Variants in FBXO22 observed in about 807,000 individuals in gnomAD.
FBXO22 encodes F-box protein 22.
In FBXO22, 13 loss-of-function variants were observed where a neutral mutation model predicts 37.2. The ratio of observed to expected loss-of-function variants is 0.35; its 90% confidence interval spans 0.23 to 0.56. FBXO22 has a LOEUF of 0.56. FBXO22 is among the 20% of genes least tolerant of loss of function. The pLI is 0.87. For synonymous variants in FBXO22, 189 were observed against 189.1 expected (o/e 1.00, Z 0.00); for missense variants, 446 against 509.9 (o/e 0.87, Z 1.21).
intron 5 of FBXO22, among the ~76,000 whole-genome samples, chr15:75,918,721 G>A (rs1376965364): frequency 6.6e-6 from 1 of 152,198 alleles, no homozygotes; most frequent in Non-Finnish European, 1.5e-5. Flanking sequence ...CCTGGAGGAT[G>A]TTAAGTGAAA....
At chr15:75,924,824 G>A (rs986403852) in intron 5 of FBXO22, among the ~76,000 whole-genome samples, 7 of 152,196 alleles carry the variant, frequency 4.6e-5, no homozygotes, top group African/African-American at 1.7e-4. Flanking sequence ...AATGCTTGAG[G>A]TGGTTAGTTA....
intron 2 of FBXO22, among the ~76,000 whole-genome samples, chr15:75,910,729 T>C (rs1900033983): frequency 6.6e-6 from 1 of 152,252 alleles, no homozygotes; most frequent in Non-Finnish European, 1.5e-5. Context: ...TTCACTCTGA[T>C]GATAGTTTCT....
At chr15:75,917,508 A>G in intron 5 of FBXO22, 114 bp downstream of exon 5, 1 of 703,006 alleles carries the variant, frequency 1.4e-6, no homozygotes, top group African/African-American at 1.8e-5. Context: ...TGAATTAAGT[A>G]CACCTGTCAC....
intron 5 of FBXO22, among the ~76,000 whole-genome samples, chr15:75,918,425 AG>A (rs1469735283): frequency 1.3e-5 from 2 of 152,124 alleles, no homozygotes; most frequent in African/African-American, 4.8e-5. Context: ...ATAATGTGGA[AG>A]AGGGTGGTCA....
At chr15:75,918,650 A>G (rs1468085441) in intron 5 of FBXO22, among the ~76,000 whole-genome samples, 3 of 152,252 alleles carry the variant, frequency 2.0e-5, no homozygotes, top group Non-Finnish European at 4.4e-5. Flanking sequence ...TGGTATACAT[A>G]CATAATGAAA....
At chr15:75,920,592 C>T (rs951078957) in intron 5 of FBXO22, among the ~76,000 whole-genome samples, 3 of 151,926 alleles carry the variant, frequency 2.0e-5, no homozygotes, top group South Asian at 2.1e-4. Context: ...GAAGCTGAGG[C>T]GGGAGGATCG....
chr15:75,930,235 A>G, intron 6 of FBXO22, 186 bp downstream of exon 6: 1 of 1,434,272 alleles, frequency 7.0e-7, no homozygotes, highest in East Asian at 2.5e-5. Context: ...TTGAATAATT[A>G]CATTTTTATA....
In FBXO22 at chr15:75,939,378, A is replaced by T. The variant is rs1054481017; in HGVS notation, c.*6276A>T. On this transcript the variant is annotated 3_prime_UTR_variant, in exon 7 of 7. Transcript: ENST00000308275. ...TACTGCTGAACTATGAAAAAAATTT[A>T]AAAATCTCAATAGAACTATAACCAG... 3 of 152,172 alleles carry T rather than the reference A, an allele frequency of 2.0e-5. No individual in the cohort carries two copies. The highest frequency in any genetic ancestry group is 7.2e-5 in the African/African-American group (3 of 41,448). 9.4% of individuals were successfully genotyped at this position (152,172 alleles called of 1,614,324 possible). A position where few individuals can be genotyped will look rare whatever the true frequency, so the allele number is the denominator to read the frequency against.
Position 75,914,094 on chromosome 15 carries a change from T to C in FBXO22, c.368-16T>C. ...AAATGGATGATATTTATCATTTTGCTACTGTATTTTTACAGCAAGGAAAAG... is the reference window on the plus strand; with the variant it reads ...AAATGGATGATATTTATCATTTTGCCACTGTATTTTTACAGCAAGGAAAAG... On this transcript the variant is annotated splice_polypyrimidine_tract_variant and intron_variant, in intron 3 of 6. Transcript: ENST00000308275. 6.4e-7 allele frequency: 1 copy of C among 1,569,056 alleles called. No individual in the cohort carries two copies. The highest frequency in any genetic ancestry group is 8.7e-7 in the Non-Finnish European group (1 of 1,146,694).
rs1900212749 is a variant in FBXO22, at chr15:75,917,301, T to C, written c.535T>C (p.Phe179Leu). The C allele has an allele frequency of 3.7e-6, 6 of 1,611,624 alleles. No homozygotes were observed. Among genetic ancestry groups the C allele is most frequent in the Middle Eastern group, 1.7e-4 (1 of 6,056 alleles). ...TGGAGAATCTGGTTTTGCTTTATTA[T>C]TCCCTCAAATTGAAGGAATAAAAAT... The part of the protein sequence containing the change: ...EIGESGFALL[F>L]PQIEGIKIQP... The change falls in exon 5 of 7, where the codon TTC becomes CTC. Residue 179 changes from phenylalanine (F) to leucine (L), a missense_variant. Physicochemically the swap from Phe to Leu is conservative, Grantham distance 22. Transcript: ENST00000308275.
rs961055366 is a variant in FBXO22, at chr15:75,904,365, C to T, written c.141-126C>T. 12 of 1,411,154 alleles carry T rather than the reference C, an allele frequency of 8.5e-6. No homozygotes were observed. In the African/African-American group the frequency reaches 8.6e-5, roughly 10 times the overall value. 87.4% of individuals were successfully genotyped at this position (1,411,154 alleles called of 1,614,324 possible). On this transcript the variant is annotated intron_variant, in intron 1 of 6. Coordinates refer to ENST00000308275, the MANE Select transcript of FBXO22 (RefSeq NM_147188.3). ...AACTAGCGCCCTGACTGACACCTAC[C>T]TACCCCGGGGACTTTGGATCCCGCA...
At chr15:75,918,078 A>T (rs899237858) in intron 5 of FBXO22, among the ~76,000 whole-genome samples, 6 of 152,240 alleles carry the variant, frequency 3.9e-5, no homozygotes, top group Non-Finnish European at 8.8e-5. Context: ...CTGCAGATGG[A>T]CTGATTGAAT....
rs2030204326 is a variant in FBXO22 at position 75,934,746 on chromosome 15, T to C, written c.*1644T>C. 6.6e-6 allele frequency: 1 copy of C among 152,256 alleles called. No individual in the cohort carries two copies. The highest frequency in any genetic ancestry group is 6.5e-5 in the Admixed American group (1 of 15,288). 9.4% of individuals were successfully genotyped at this position (152,256 alleles called of 1,614,324 possible). ...TCAAAATACCTCAAAATTTTAGTCCTTGAATGTGCTCATATAGCCCATAAG... is the reference window on the plus strand; with the variant it reads ...TCAAAATACCTCAAAATTTTAGTCCCTGAATGTGCTCATATAGCCCATAAG... On this transcript the variant is annotated 3_prime_UTR_variant, in exon 7 of 7. Coordinates refer to ENST00000308275, the MANE Select transcript of FBXO22 (RefSeq NM_147188.3).
Position 75,918,021 on chromosome 15 carries a change from A to G in FBXO22, c.628+627A>G, listed in dbSNP as rs78449597. On this transcript the variant is annotated intron_variant, in intron 5 of 6. Coordinates refer to ENST00000308275, the MANE Select transcript of FBXO22 (RefSeq NM_147188.3). ...AAAGCTTAACTTAATATAGTAAACA[A>G]CAAACGAATTACTCAAGGAAAGCAG... Among the ~76,000 whole-genome samples, 888 of 152,316 alleles carry G rather than the reference A, an allele frequency of 5.8e-3. 10 individuals are homozygous for G. The highest frequency in any genetic ancestry group is 0.02 in the African/African-American group (843 of 41,568).
At chr15:75,906,697 C>T (rs1376230613) in intron 2 of FBXO22, among the ~76,000 whole-genome samples, 1 of 152,152 alleles carries the variant, frequency 6.6e-6, no homozygotes, top group Non-Finnish European at 1.5e-5. Context: ...AGGGAGCTGG[C>T]CAGTATCCAA....
At position 75,904,540 on chromosome 15, in the gene FBXO22, C is replaced by G. The variant is rs1179503728; in HGVS notation, c.190C>G (p.Arg64Gly). Reference sequence around the variant, plus strand: ...TGTGCGCAGAGTATTGCGGACCCATCGGAGCGTAACCTGGATCTCCGCAGG... The same window carrying G: ...TGTGCGCAGAGTATTGCGGACCCATGGGAGCGTAACCTGGATCTCCGCAGG... The part of the protein sequence containing the change: ...ECVRRVLRTH[R>G]SVTWISAGLA... The change falls in exon 2 of 7, where the codon CGG (arginine) becomes GGG (glycine). Residue 64 changes from arginine (R) to glycine (G), a missense_variant. Transcript: ENST00000308275. 4.3e-6 allele frequency: 7 copies of G among 1,613,750 alleles called. No individual in the cohort carries two copies. The South Asian group carries it at 4.4e-5, about 10-fold the overall frequency.
chr15:75,917,303 C>A lies in FBXO22; in HGVS notation c.537C>A (p.Phe179Leu), dbSNP rs568747383. 6.2e-7 allele frequency: 1 copy of A among 1,610,984 alleles called. No homozygotes were observed. The highest frequency in any genetic ancestry group is 1.7e-5 in the Admixed American group (1 of 59,816). The change falls in exon 5 of 7, where the codon TTC becomes TTA. Residue 179 changes from phenylalanine to leucine, a missense_variant. Around this residue, in one of 2 missense-constraint regions of FBXO22, gnomAD observed 315 missense variants for 410.1 expected, o/e 0.77. Transcript: ENST00000308275. ...EIGESGFALL[F>L]PQIEGIKIQP... ...GAGAATCTGGTTTTGCTTTATTATTCCCTCAAATTGAAGGAATAAAAATAC... is the reference window on the plus strand; with the variant it reads ...GAGAATCTGGTTTTGCTTTATTATTACCTCAAATTGAAGGAATAAAAATAC...
At chr15:75,917,201 T>C in intron 4 of FBXO22, 29 bp from the exon 5 acceptor site, 3 of 1,564,750 alleles carry the variant, frequency 1.9e-6, no homozygotes, top group Non-Finnish European at 2.6e-6. Flanking sequence ...ACTGACTCTA[T>C]TGGTGAAACT....
At chr15:75,923,138 GAT>G (rs1016850603) in intron 5 of FBXO22, among the ~76,000 whole-genome samples, 1 of 152,168 alleles carries the variant, frequency 6.6e-6, no homozygotes, top group Non-Finnish European at 1.5e-5. Flanking sequence ...ATGAGGCCCT[GAT>G]ATGTGGCACT....
Sources: gnomAD v4.1 joint callset for allele counts (sites outside exome capture counted in the v4.1 genomes callset) on GRCh38, gnomAD v4.1.1 for gene constraint, gnomAD v4.1.1 regional missense constraint, MANE v1.5 for transcripts, NCBI Gene and HGNC (gene_info 2026-07-23, HGNC 2026-07-21) for gene names.